NARF: variants seen among roughly 807,000 people sequenced by gnomAD.
NARF encodes iron-only hydrogenase-like protein 2.
In NARF, 41 loss-of-function variants were observed where a neutral mutation model predicts 48.0. The observed-to-expected ratio is 0.85, with a 90% CI of 0.66 to 1.11. The LOEUF (loss-of-function observed/expected upper bound fraction) is 1.11. NARF is among the 50% of genes least tolerant of loss of function. The probability of loss-of-function intolerance (pLI) is 0.00; values close to 1 mark genes in which losing one functional copy is unlikely to be tolerated. For synonymous variants in NARF, 215 were observed against 225.5 expected, an observed-to-expected ratio of 0.95 and a Z score of 0.42; for missense variants, 613 against 590.2, an observed-to-expected ratio of 1.04 and a Z score of -0.40.
chr17:82,488,399 G>A lies in NARF; in HGVS notation c.*242G>A, dbSNP rs137962169. ...TTTTTTCTTTTTTTTTTTTTGAGAC[G>A]GAGTCTCACTCTGTCACCCAGGCTG... On this transcript the variant is annotated 3_prime_UTR_variant, in exon 11 of 11. Coordinates refer to ENST00000309794, the MANE Select transcript of NARF (RefSeq NM_012336.4). 1.0e-3 allele frequency: 479 copies of A among 476,694 alleles called. 4 individuals carry two copies. Among genetic ancestry groups the A allele is most frequent in the African/African-American group, 8.9e-3 (443 of 49,774 alleles). 29.5% of individuals were successfully genotyped at this position (476,694 alleles called of 1,614,324 possible).
chr17:82,458,724 G>T, upstream of NARF: 2 of 1,434,672 alleles, frequency 1.4e-6, no homozygotes, highest in South Asian at 1.5e-5. Context: ...AAAGGGCCGC[G>T]GGCGGCGGGC....
intron 8 of NARF, 119 bp downstream of exon 8, chr17:82,483,898 T>C (rs2044033275): frequency 1.1e-6 from 1 of 884,910 alleles, no homozygotes; most frequent in Non-Finnish European, 1.8e-6. Context: ...AGCACTGCGA[T>C]GCAGTCCCCC....
chr17:82,475,452 TAGCC>T (rs1236274801), intron 5 of NARF, among the ~76,000 whole-genome samples: 1 of 151,994 alleles, frequency 6.6e-6, no homozygotes, highest in Non-Finnish European at 1.5e-5. Flanking sequence ...TACAAAAAAT[TAGCC>T]AGGTGTGGCG....
chr17:82,460,605 A>C (rs2043412958), intron 2 of NARF: 1 of 152,218 alleles, frequency 6.6e-6, no homozygotes, highest in South Asian at 2.1e-4. Context: ...TCTACTAAAA[A>C]TGCAAAAAAT....
intron 4 of NARF, among the ~76,000 whole-genome samples, chr17:82,469,249 A>G (rs1313218187): frequency 6.6e-6 from 1 of 152,252 alleles, no homozygotes; most frequent in East Asian, 1.9e-4. Flanking sequence ...GAGGGTGTGC[A>G]TTTGATAAAC....
chr17:82,477,899 A>C (rs772636415), intron 5 of NARF: 5 of 152,000 alleles, frequency 3.3e-5, no homozygotes, highest in Non-Finnish European at 5.9e-5. Context: ...TGAAACTTTG[A>C]TTGTTAAATG....
At chr17:82,461,406 G>A (rs527639029) in intron 2 of NARF, among the ~76,000 whole-genome samples, 1 of 152,288 alleles carries the variant, frequency 6.6e-6, no homozygotes, top group Admixed American at 6.5e-5. Context: ...GAGGTCAGGA[G>A]TTCAAGATCA....
intron 5 of NARF, among the ~76,000 whole-genome samples, chr17:82,475,213 C>A (rs776249928): frequency 3.9e-5 from 6 of 152,186 alleles, no homozygotes; most frequent in Non-Finnish European, 7.3e-5. Flanking sequence ...CAACACCAGT[C>A]ACACTTGCTT....
intron 3 of NARF, chr17:82,468,435 G>T (rs1037899682): frequency 2.5e-5 from 7 of 277,210 alleles, no homozygotes; most frequent in Non-Finnish European, 4.1e-5. Context: ...TGATTATAGC[G>T]CTCTGCAGTC....
intron 4 of NARF, among the ~76,000 whole-genome samples, chr17:82,470,366 T>G (rs1043355572): frequency 3.9e-5 from 6 of 152,234 alleles, no homozygotes; most frequent in African/African-American, 1.4e-4. Context: ...AAATGCTATA[T>G]ATTCTCACGA....
intron 3 of NARF, 52 bp from the exon 4 acceptor site, chr17:82,468,712 T>A: frequency 6.3e-7 from 1 of 1,589,142 alleles, no homozygotes. Flanking sequence ...TGTGTAACTT[T>A]TACTCCTTGT....
chr17:82,464,087 C>T, intron 2 of NARF, 200 bp from the exon 3 acceptor site: 1 of 581,616 alleles, frequency 1.7e-6, no homozygotes, highest in Non-Finnish European at 2.9e-6. Flanking sequence ...GGGCTGGGCC[C>T]TGTGTCCTGT....
intron 2 of NARF, chr17:82,460,718 C>G (rs1049101123): frequency 2.0e-5 from 3 of 150,894 alleles, no homozygotes; most frequent in African/African-American, 7.3e-5. Context: ...GAGGCAAGAT[C>G]GCGCCACTGC....
chr17:82,480,856 C>T lies in NARF; in HGVS notation c.640-226C>T, dbSNP rs139079009. 5.9e-4 allele frequency: 327 copies of T among 552,966 alleles called. 2 individuals carry two copies. The highest frequency in any genetic ancestry group is 4.7e-3 in the Admixed American group (145 of 30,826). 34.3% of individuals were successfully genotyped at this position (552,966 alleles called of 1,614,324 possible). A position where few individuals can be genotyped will look rare whatever the true frequency, so the allele number is the denominator to read the frequency against. ...CTGAGGCAGGAGAATCGCTTGAACCCGGGAGGCAGAGTTTGCAGTGAGCTG... is the reference window on the plus strand; with the variant it reads ...CTGAGGCAGGAGAATCGCTTGAACCTGGGAGGCAGAGTTTGCAGTGAGCTG... On this transcript the variant is annotated intron_variant, in intron 6 of 10. Transcript: ENST00000309794.
intron 4 of NARF, among the ~76,000 whole-genome samples, chr17:82,469,391 G>A (rs750383127): frequency 6.6e-6 from 1 of 152,136 alleles, no homozygotes; most frequent in Non-Finnish European, 1.5e-5. Context: ...AAAAGAACTC[G>A]GATGTCAACG....
rs562649147 is a variant in NARF, at chr17:82,465,333, G to A, written c.252+903G>A. Among the ~76,000 whole-genome samples, 3 of 152,282 alleles carry A rather than the reference G, an allele frequency of 2.0e-5. No individual in the cohort carries two copies. The South Asian group carries it at 6.2e-4, about 32-fold the overall frequency. On this transcript the variant is annotated intron_variant, in intron 3 of 10. Coordinates refer to ENST00000309794, the MANE Select transcript of NARF (RefSeq NM_012336.4). ...ACAGGTGAAAGAGAAAGAGACAAAG[G>A]CAGATGAGGCTGAAAAGCACTTCTT...
intron 3 of NARF, among the ~76,000 whole-genome samples, chr17:82,466,538 T>C (rs1005445400): frequency 3.9e-5 from 6 of 152,066 alleles, no homozygotes; most frequent in Admixed American, 1.3e-4. Flanking sequence ...TTGCAACCTC[T>C]CCTTCCTGGG....
rs2077712545 is a variant in NARF at position 82,459,981 on chromosome 17, G to C, written c.28-11G>C. ...AAAAGTTCATTGATAATGTTCCTTT[G>C]CTTTTTTAAGGAATGTAGTAAGAAA... On this transcript the variant is annotated splice_polypyrimidine_tract_variant and intron_variant, in intron 1 of 10. Coordinates refer to ENST00000309794, the MANE Select transcript of NARF (RefSeq NM_012336.4). The C allele has an allele frequency of 1.9e-6, 3 of 1,608,638 alleles. No individual in the cohort carries two copies. Among genetic ancestry groups the C allele is most frequent in the Admixed American group, 1.7e-5 (1 of 59,790 alleles).
intron 2 of NARF, among the ~76,000 whole-genome samples, chr17:82,461,253 T>TTCTCCTTAGCTAGTAGCTATGG (rs2043429785): frequency 6.6e-6 from 1 of 152,066 alleles, no homozygotes; most frequent in Non-Finnish European, 1.5e-5. Context: ...TGTTTTTAAA[T>TTCTCCTTAGCTAGTAGCTATGG]TCTCCTTAGC....
Sources: allele counts gnomAD v4.1 joint callset (sites outside exome capture counted in the v4.1 genomes callset), GRCh38; gene constraint gnomAD v4.1.1; transcripts MANE v1.5; gene names NCBI Gene and HGNC (gene_info 2026-07-23, HGNC 2026-07-21).